PCDHA9: variants seen among roughly 807,000 people sequenced by gnomAD.
The protein encoded by PCDHA9 is protocadherin alpha-9.
A neutral mutation model predicts 62.0 loss-of-function variants in PCDHA9; 62 were observed. The ratio of observed to expected loss-of-function variants is 1.00; its 90% CI spans 0.81 to 1.23. PCDHA9 has a LOEUF of 1.23. PCDHA9 is among the 50% of genes most tolerant of loss of function. PCDHA9 has a pLI of 0.00. For missense variants in PCDHA9, 1,205 were observed against 1,249.8 expected, an observed-to-expected ratio of 0.96 and a Z score of 0.54; for synonymous variants, 557 against 567.6, an observed-to-expected ratio of 0.98 and a Z score of 0.27.
chr5:140,926,812 G>C, intron 1 of PCDHA9: 3 of 1,459,082 alleles, frequency 2.1e-6, no homozygotes, highest in Non-Finnish European at 1.8e-6. Flanking sequence ...CCCGCGGCTC[G>C]TGCTCTCCAG....
At chr5:140,969,470 T>G in intron 1 of PCDHA9, 1 of 1,483,706 alleles carries the variant, frequency 6.7e-7, no homozygotes, top group African/African-American at 1.4e-5. Context: ...TATCCACAAT[T>G]TGATCATAAT....
At chr5:140,952,768 AT>A (rs1554220610) in intron 1 of PCDHA9, among the ~76,000 whole-genome samples, 1 of 152,180 alleles carries the variant, frequency 6.6e-6, no homozygotes, top group African/African-American at 2.4e-5. Context: ...AGACTGGATA[AT>A]TTAGAAAGAA....
chr5:140,916,871 T>C (rs1321229691), intron 1 of PCDHA9, among the ~76,000 whole-genome samples: 1 of 152,162 alleles, frequency 6.6e-6, no homozygotes, highest in African/African-American at 2.4e-5. Context: ...ACCTAGGAAT[T>C]GCAATCCTTG....
intron 1 of PCDHA9, among the ~76,000 whole-genome samples, chr5:140,958,643 T>C (rs2095435479): frequency 1.3e-5 from 2 of 152,020 alleles, no homozygotes. Flanking sequence ...AGAAAACCAA[T>C]CACAGAAAGC....
At chr5:140,894,527 G>T (rs1184887485) in intron 1 of PCDHA9, among the ~76,000 whole-genome samples, 1 of 151,472 alleles carries the variant, frequency 6.6e-6, no homozygotes, top group African/African-American at 2.4e-5. Flanking sequence ...ATGCTGTTAT[G>T]TGCCTTCTGG....
intron 1 of PCDHA9, among the ~76,000 whole-genome samples, chr5:140,941,562 G>A (rs1032844993): frequency 1.3e-5 from 2 of 151,596 alleles, no homozygotes; most frequent in African/African-American, 2.4e-5. Flanking sequence ...TGATCCATTC[G>A]CCTCAGCCTC....
intron 2 of PCDHA9, 80 bp downstream of exon 2, chr5:140,979,087 A>C (rs1284249394): frequency 6.4e-7 from 1 of 1,561,170 alleles, no homozygotes; most frequent in Non-Finnish European, 8.7e-7. Flanking sequence ...CATAGGCCAG[A>C]AGCAGCTGTC....
chr5:140,855,331 A>C (rs1554147752), intron 1 of PCDHA9, among the ~76,000 whole-genome samples: 1 of 149,982 alleles, frequency 6.7e-6, no homozygotes, highest in Non-Finnish European at 1.5e-5. Flanking sequence ...GGGAGAGGTT[A>C]AACGATTTTC....
At chr5:140,922,916 C>T (rs2081069739) in intron 1 of PCDHA9, among the ~76,000 whole-genome samples, 1 of 152,146 alleles carries the variant, frequency 6.6e-6, no homozygotes, top group South Asian at 2.1e-4. Context: ...TACAAATAAA[C>T]TTCAGACTTT....
intron 1 of PCDHA9, chr5:140,969,147 A>C (rs781909774): frequency 1.2e-6 from 2 of 1,614,172 alleles, no homozygotes; most frequent in South Asian, 2.2e-5. Flanking sequence ...TACTGCTACA[A>C]GGCCTGTCTG....
At chr5:140,863,106 C>G (rs782630265) in intron 1 of PCDHA9, 1 of 582,196 alleles carries the variant, frequency 1.7e-6, no homozygotes, top group Non-Finnish European at 3.4e-6. Context: ...GTACCCTGGA[C>G]GAGGCGAAAG....
At chr5:140,863,571 TA>T in intron 1 of PCDHA9, 1 of 369,950 alleles carries the variant, frequency 2.7e-6, no homozygotes, top group South Asian at 2.1e-5. Context: ...AGAATATAAG[TA>T]CTGTAATCCT....
chr5:140,849,581 C>T lies in PCDHA9; in HGVS notation c.1086C>T (p.Asp362=). The T allele has an allele frequency of 3.1e-6, 5 of 1,598,698 alleles. 1 individual carries two copies. Among genetic ancestry groups the T allele is most frequent in the Non-Finnish European group, 4.3e-6 (5 of 1,167,986 alleles). The change falls in exon 1 of 4, where the codon GAC becomes GAT. Residue 362 remains aspartate (D), a synonymous_variant. Transcript: ENST00000532602. ...CGCTCTCGGTTCCTGTAAAAGAGGA[C>T]GCACAACTGGGGACAGTTATTGCCC... ...IKTLSVPVKE[D]AQLGTVIALI...
chr5:140,967,012 G>C (rs1554229065), intron 1 of PCDHA9: 1 of 1,606,656 alleles, frequency 6.2e-7, no homozygotes, highest in African/African-American at 1.3e-5. Flanking sequence ...TCAACCATCT[G>C]GGTGCGCCCA....
In PCDHA9 at chr5:140,869,957, A is replaced by G. The variant is rs782483772; in HGVS notation, c.2394+19068A>G. The stretch of plus-strand genomic sequence containing the variant: ...GTAACATACTCCTTAATGTCAATTA[A>G]GCCCAATGGAAGACACTTATTTACA... On this transcript the variant is annotated intron_variant, in intron 1 of 3. Transcript: ENST00000532602. 4 of 1,613,040 alleles carry G rather than the reference A, an allele frequency of 2.5e-6. No homozygotes were observed. The South Asian group carries it at 4.4e-5, about 18-fold the overall frequency.
At chr5:140,901,583 T>C (rs530803677) in intron 1 of PCDHA9, among the ~76,000 whole-genome samples, 14 of 152,340 alleles carry the variant, frequency 9.2e-5, no homozygotes, top group African/African-American at 3.4e-4. Context: ...GCCAGTGCCA[T>C]GATGTTTTGG....
Position 140,974,586 on chromosome 5 carries a change from A to G in PCDHA9, c.2395-4363A>G, listed in dbSNP as rs150396044. Among the ~76,000 whole-genome samples, 599 of 152,220 alleles carry G rather than the reference A, an allele frequency of 3.9e-3. 3 individuals carry two copies. Among genetic ancestry groups the G allele is most frequent in the African/African-American group, 0.014 (565 of 41,540 alleles). On this transcript the variant is annotated intron_variant, in intron 1 of 3. Transcript: ENST00000532602. The stretch of plus-strand genomic sequence containing the variant: ...GAGTGCAATGGCATGATCTTGGCTC[A>G]CTGCAACCTCTGCCTCCAGGGTTCA...
chr5:140,930,822 G>A (rs1338942917), intron 1 of PCDHA9, among the ~76,000 whole-genome samples: 2 of 152,140 alleles, frequency 1.3e-5, no homozygotes, highest in Non-Finnish European at 2.9e-5. Context: ...CTTAGTAAAT[G>A]CTGACTGAAT....
In PCDHA9 at chr5:140,852,660, A is replaced by G. The variant is rs2150521293; in HGVS notation, c.2394+1771A>G. The G allele has an allele frequency of 3.6e-4, 348 of 965,166 alleles. 29 individuals carry two copies. The highest frequency in any genetic ancestry group is 4.1e-4 in the Non-Finnish European group (328 of 799,632). 59.8% of individuals were successfully genotyped at this position (965,166 alleles called of 1,614,324 possible). A position where few individuals can be genotyped will look rare whatever the true frequency, so the allele number is the denominator to read the frequency against. On this transcript the variant is annotated intron_variant, in intron 1 of 3. Coordinates refer to ENST00000532602, the MANE Select transcript of PCDHA9 (RefSeq NM_031857.2). Reference sequence around the variant, plus strand: ...TCATTAAACCTATCTATATCTGTCTATCAGCACAACTCACCTTGAATATAG... The same window carrying G: ...TCATTAAACCTATCTATATCTGTCTGTCAGCACAACTCACCTTGAATATAG...
Sources: allele counts gnomAD v4.1 joint callset (sites outside exome capture counted in the v4.1 genomes callset), GRCh38; gene constraint gnomAD v4.1.1; transcripts MANE v1.5; gene names NCBI Gene and HGNC (gene_info 2026-07-23, HGNC 2026-07-21).